The following SYN3 variants were observed in gnomAD, a reference collection of about 807,000 sequenced individuals.
The protein encoded by SYN3 is synapsin-3.
SYN3 carries 35 observed loss-of-function variants against 65.8 expected under a neutral mutation model. That is an observed-to-expected ratio of 0.53 (90% CI 0.41 to 0.70). SYN3 has a LOEUF of 0.70. Ranked by LOEUF, SYN3 falls within the 30% of genes least tolerant of loss-of-function variation. The pLI, the probability that SYN3 is intolerant of heterozygous loss-of-function variation, is 0.00. For missense variants in SYN3, 680 were observed against 749.0 expected, an observed-to-expected ratio of 0.91 and a Z score of 1.08; for synonymous variants, 270 against 292.9, an observed-to-expected ratio of 0.92 and a Z score of 0.80.
chr22:32,736,515 T>C (rs954586408), intron 6 of SYN3, among the ~76,000 whole-genome samples: 1 of 152,228 alleles, frequency 6.6e-6, no homozygotes, highest in South Asian at 2.1e-4. Context: ...AACACAGTGT[T>C]AATGCTTTGT....
chr22:32,591,626 G>C (rs2059128973), intron 7 of SYN3, among the ~76,000 whole-genome samples: 1 of 152,118 alleles, frequency 6.6e-6, no homozygotes, highest in Non-Finnish European at 1.5e-5. Context: ...TATCACCACG[G>C]CTTCCTCTGG....
At chr22:32,585,555 G>C (rs1203415769) in intron 7 of SYN3, among the ~76,000 whole-genome samples, 1 of 152,168 alleles carries the variant, frequency 6.6e-6, no homozygotes, top group African/African-American at 2.4e-5. Context: ...GAGGCTAGCA[G>C]GATGACCCAG....
At chr22:33,030,408 G>A (rs1251310032) in intron 1 of SYN3, among the ~76,000 whole-genome samples, 1 of 152,166 alleles carries the variant, frequency 6.6e-6, no homozygotes, top group East Asian at 1.9e-4. Flanking sequence ...GGAAGCTATT[G>A]ACAGGGGAGG....
intron 7 of SYN3, among the ~76,000 whole-genome samples, chr22:32,581,792 C>CTTTTTTTT (rs10716395): frequency 6.5e-4 from 55 of 84,318 alleles, no homozygotes; most frequent in Non-Finnish European, 8.1e-4. Context: ...TTCTTTCTTT[C>CTTTTTTTT]TTTTTTTTTT....
chr22:32,677,898 G>A (rs1292083453), intron 6 of SYN3, among the ~76,000 whole-genome samples: 2 of 152,150 alleles, frequency 1.3e-5, no homozygotes, highest in Admixed American at 1.3e-4. Flanking sequence ...AGATAGGCAT[G>A]TATGTTGATA....
intron 6 of SYN3, among the ~76,000 whole-genome samples, chr22:32,603,299 T>A (rs1166969749): frequency 6.8e-6 from 1 of 147,802 alleles, no homozygotes; most frequent in East Asian, 2.0e-4. Context: ...GATCACAAGG[T>A]CAGGAGATGG....
intron 6 of SYN3, among the ~76,000 whole-genome samples, chr22:32,635,683 GA>G (rs1414729473): frequency 2.0e-5 from 3 of 152,158 alleles, no homozygotes; most frequent in Non-Finnish European, 2.9e-5. Context: ...ATGAATGACA[GA>G]GCCATGTTAT....
intron 6 of SYN3, among the ~76,000 whole-genome samples, chr22:32,676,528 C>CTTTTTTTTTTTTTTTTTTTTTTTTTTTT (rs879196572): frequency 1.1e-5 from 1 of 88,932 alleles, no homozygotes; most frequent in African/African-American, 5.2e-5. Flanking sequence ...TCTTTTCTTT[C>CTTTTTTTTTTTTTTTTTTTTTTTTTTTT]TTTTTTTTTT....
chr22:32,576,019 G>A (rs1375392451), intron 7 of SYN3, among the ~76,000 whole-genome samples: 1 of 152,066 alleles, frequency 6.6e-6, no homozygotes, highest in East Asian at 1.9e-4. Flanking sequence ...ATAATGATGA[G>A]CGGTCGTGGG....
At chr22:32,740,286 A>G (rs1322062309) in intron 6 of SYN3, among the ~76,000 whole-genome samples, 1 of 152,240 alleles carries the variant, frequency 6.6e-6, no homozygotes, top group Non-Finnish European at 1.5e-5. Context: ...CGAGAGGTGC[A>G]ATGTGGAACA....
chr22:32,537,972 T>C (rs1224743785), intron 9 of SYN3, 64 bp downstream of exon 9: 2 of 1,488,980 alleles, frequency 1.3e-6, no homozygotes, highest in Non-Finnish European at 1.9e-6. Flanking sequence ...GGGCCTTTTG[T>C]TGCATTCCCC....
intron 6 of SYN3, among the ~76,000 whole-genome samples, chr22:32,626,063 G>C (rs1198292737): frequency 6.6e-6 from 1 of 152,146 alleles, no homozygotes; most frequent in African/African-American, 2.4e-5. Flanking sequence ...GTTTGAGATG[G>C]ACCTTGAAAT....
chr22:32,801,790 G>A lies in SYN3; in HGVS notation c.711+63125C>T. ...CCAGCTCCTGCTCCTTCGCCGGGAG[G>A]CCGCCCGCCGAGTCCTGCGCCAGCG... is the stretch of plus-strand genomic sequence containing the variant. On this transcript the variant is annotated intron_variant, in intron 6 of 13. Coordinates refer to ENST00000358763, the MANE Select transcript of SYN3 (RefSeq NM_003490.4). This position sits in a 1 kb window ranked among gnomAD's most constrained non-coding sequence, Gnocchi z 4.7. The A allele has an allele frequency of 2.6e-6, 1 of 388,596 alleles. No individual in the cohort carries two copies. Among genetic ancestry groups the A allele is most frequent in the Non-Finnish European group, 3.9e-6 (1 of 254,950 alleles). The allele number at this position is 388,596 out of a possible 1,614,324, so 24.1% of individuals were successfully genotyped here.
At chr22:32,657,048 C>T (rs1267357730) in intron 6 of SYN3, among the ~76,000 whole-genome samples, 5 of 152,134 alleles carry the variant, frequency 3.3e-5, no homozygotes, top group Admixed American at 3.3e-4. Flanking sequence ...CCAGGCATCC[C>T]CCTCCCTACC....
chr22:32,915,675 T>C (rs2050168633), intron 4 of SYN3, among the ~76,000 whole-genome samples: 1 of 152,102 alleles, frequency 6.6e-6, no homozygotes, highest in South Asian at 2.1e-4. Flanking sequence ...GGAAGTACCA[T>C]TGTGGGTAAG....
chr22:32,912,278 A>C (rs184808622), intron 4 of SYN3, among the ~76,000 whole-genome samples: 3 of 152,140 alleles, frequency 2.0e-5, no homozygotes, highest in Non-Finnish European at 2.9e-5. Flanking sequence ...GATGAGCAGA[A>C]GGTTTTTTTG....
chr22:32,752,738 C>G (rs2045168212), intron 6 of SYN3, among the ~76,000 whole-genome samples: 1 of 152,194 alleles, frequency 6.6e-6, no homozygotes, highest in African/African-American at 2.4e-5. Context: ...GGGGTCCTGG[C>G]TCCTTGTCGA....
In SYN3 at chr22:32,833,807, G is replaced by A. The variant is rs180730028; in HGVS notation, c.711+31108C>T. 186 of 500,482 alleles carry A rather than the reference G, an allele frequency of 3.7e-4. No individual in the cohort carries two copies. In the East Asian group the frequency reaches 4.6e-3, roughly 12 times the overall value. 31.0% of individuals were successfully genotyped at this position (500,482 alleles called of 1,614,324 possible). A position where few individuals can be genotyped will look rare whatever the true frequency, so the allele number is the denominator to read the frequency against. ...AACACTTACTTTATAGGGCCCTAGT[G>A]AGGCTCAAATGGGAAAATCCACGGA... is the stretch of plus-strand genomic sequence containing the variant. On this transcript the variant is annotated intron_variant, in intron 6 of 13. Coordinates refer to ENST00000358763, the MANE Select transcript of SYN3 (RefSeq NM_003490.4).
In SYN3 at chr22:32,540,117, G is replaced by A. The variant is rs5754140; in HGVS notation, c.917+1454C>T. ...TCCTCCAGTTTCACAAGCAATGACAGGGCTCAGTAGTTGCAACAGAGACGA... is the reference window on the plus strand; with the variant it reads ...TCCTCCAGTTTCACAAGCAATGACAAGGCTCAGTAGTTGCAACAGAGACGA... On this transcript the variant is annotated intron_variant, in intron 8 of 13. Coordinates refer to ENST00000358763, the MANE Select transcript of SYN3 (RefSeq NM_003490.4). Among the ~76,000 whole-genome samples the A allele has an allele frequency of 8.8e-4, 134 of 152,338 alleles. 1 individual carries two copies. The East Asian group carries it at 0.023, about 26-fold the overall frequency.
Sources: allele counts gnomAD v4.1 joint callset (sites outside exome capture counted in the v4.1 genomes callset), GRCh38; gene constraint gnomAD v4.1.1; non-coding constraint Gnocchi (gnomAD v3.1); transcripts MANE v1.5; gene names NCBI Gene and HGNC (gene_info 2026-07-23, HGNC 2026-07-21).